The following CEP89 variants were observed in gnomAD, a reference collection of about 807,000 sequenced individuals.
CEP89 encodes centrosomal protein 89.
Under a neutral mutation model 97.6 loss-of-function variants are expected in CEP89, and 95 were observed. The observed-to-expected ratio is 0.97, with a 90% CI of 0.82 to 1.15. CEP89 has a LOEUF of 1.15. CEP89 is among the 50% of genes most tolerant of loss of function. CEP89 has a pLI of 0.00. For synonymous variants in CEP89, 354 were observed against 349.1 expected (o/e 1.01, Z -0.16); for missense variants, 869 against 947.7 (o/e 0.92, Z 1.09).
Position 32,915,520 on chromosome 19 carries a change from G to GA in CEP89, c.1385-4dup. ...TAGTTGTTTAGTCAGCTTAGAAACT[G>GA]AAAATCAAAAGAGGAAGATAAAAAC... is the stretch of plus-strand genomic sequence containing the variant. On this transcript the variant is annotated splice_region_variant and splice_polypyrimidine_tract_variant and intron_variant, in intron 13 of 18. Coordinates refer to ENST00000305768, the MANE Select transcript of CEP89 (RefSeq NM_032816.5). The GA allele has an allele frequency of 6.2e-7, 1 of 1,603,816 alleles. No individual in the cohort carries two copies.
intron 14 of CEP89, among the ~76,000 whole-genome samples, 172 bp from the exon 15 acceptor site, chr19:32,901,584 C>T (rs7253956): frequency 0.38 from 57,275 of 151,696 alleles, 11,153 homozygotes; most frequent in Non-Finnish European, 0.41. Flanking sequence ...GGACCTGGGA[C>T]CAAGCTGCTA....
chr19:32,895,981 G>A lies in CEP89; in HGVS notation c.1875+3876C>T, dbSNP rs1012014336. On this transcript the variant is annotated intron_variant, in intron 16 of 18. Coordinates refer to ENST00000305768, the MANE Select transcript of CEP89 (RefSeq NM_032816.5). ...GACAATGAAGCTGATTCAAACTAATGGAAAGACATCCCATGATCATGGATG... is the reference window on the plus strand; with the variant it reads ...GACAATGAAGCTGATTCAAACTAATAGAAAGACATCCCATGATCATGGATG... Among the ~76,000 whole-genome samples the A allele has an allele frequency of 2.0e-5, 3 of 152,124 alleles. No homozygotes were observed. In the East Asian group the frequency reaches 5.8e-4, roughly 29 times the overall value.
chr19:32,932,341 A>G (rs1970493848), intron 8 of CEP89, among the ~76,000 whole-genome samples: 1 of 152,146 alleles, frequency 6.6e-6, no homozygotes, highest in Non-Finnish European at 1.5e-5. Flanking sequence ...CTAAAAATAA[A>G]TGTGCCTAAG....
Position 32,971,921 on chromosome 19 carries a change from A to G in CEP89, c.-47T>C, listed in dbSNP as rs753546073. 5 of 1,561,890 alleles carry G rather than the reference A, an allele frequency of 3.2e-6. No homozygotes were observed. The South Asian group carries it at 5.8e-5, about 18-fold the overall frequency. On this transcript the variant is annotated 5_prime_UTR_variant, in exon 1 of 19. Transcript: ENST00000305768. ...GACCGGGGCCTGGACTCATCAGCAG[A>G]TCTATCCACAGCCAGGGACCACTCC...
chr19:32,931,230 C>T, intron 9 of CEP89, 199 bp downstream of exon 9: 1 of 553,810 alleles, frequency 1.8e-6, no homozygotes, highest in Admixed American at 3.8e-5. Flanking sequence ...CAATGTTTTA[C>T]AGTCTTTATT....
At chr19:32,919,383 T>C (rs2016867) in intron 12 of CEP89, among the ~76,000 whole-genome samples, 137,446 of 152,246 alleles carry the variant, frequency 0.9, 62,226 homozygotes, top group African/African-American at 0.98. Flanking sequence ...GTTAAGTTTA[T>C]TTACTAAAGC....
chr19:32,959,052 A>AC (rs1568581955), intron 3 of CEP89, among the ~76,000 whole-genome samples: 8 of 151,754 alleles, frequency 5.3e-5, no homozygotes, highest in African/African-American at 1.5e-4. Context: ...AAAACAAAAA[A>AC]AAAAAAAACA....
intron 6 of CEP89, among the ~76,000 whole-genome samples, chr19:32,938,712 C>T (rs1327810288): frequency 2.0e-5 from 3 of 151,996 alleles, no homozygotes; most frequent in Admixed American, 6.6e-5. Context: ...ACTTTAGGAG[C>T]CCGAGGCAGG....
chr19:32,932,182 CAA>C (rs772866337), intron 8 of CEP89, among the ~76,000 whole-genome samples: 8 of 112,724 alleles, frequency 7.1e-5, no homozygotes, highest in Admixed American at 1.7e-4. Flanking sequence ...CTCCATCTCA[CAA>C]AAAAAAAAAA....
At chr19:32,945,212 A>C (rs1970770707) in intron 5 of CEP89, among the ~76,000 whole-genome samples, 1 of 147,140 alleles carries the variant, frequency 6.8e-6, no homozygotes, top group African/African-American at 2.5e-5. Flanking sequence ...TGAACCCAGG[A>C]GGCGGAGGTT....
At chr19:32,941,849 ATCATC>A (rs1410033988) in intron 5 of CEP89, among the ~76,000 whole-genome samples, 1 of 152,210 alleles carries the variant, frequency 6.6e-6, no homozygotes, top group Non-Finnish European at 1.5e-5. Context: ...CTGTGGCTCT[ATCATC>A]TCTGACACAC....
chr19:32,946,122 G>C (rs1276921360), intron 5 of CEP89, among the ~76,000 whole-genome samples: 1 of 152,074 alleles, frequency 6.6e-6, no homozygotes, highest in Non-Finnish European at 1.5e-5. Context: ...TTTAGAGACA[G>C]GGTCTCACTC....
intron 13 of CEP89, among the ~76,000 whole-genome samples, chr19:32,916,025 C>T (rs1487995152): frequency 1.3e-5 from 2 of 151,256 alleles, no homozygotes; most frequent in Non-Finnish European, 3.0e-5. Flanking sequence ...ATACCTGTAA[C>T]CCCAGCCCTT....
At chr19:32,913,618 A>C (rs922092156) in intron 14 of CEP89, among the ~76,000 whole-genome samples, 8 of 149,734 alleles carry the variant, frequency 5.3e-5, no homozygotes, top group African/African-American at 2.0e-4. Flanking sequence ...ATGGTTGGTT[A>C]CACACACACA....
intron 15 of CEP89, 34 bp from the exon 16 acceptor site, chr19:32,900,032 C>T (rs1969731751): frequency 1.2e-6 from 2 of 1,609,304 alleles, no homozygotes; most frequent in African/African-American, 1.3e-5. Context: ...GAATAAAAAG[C>T]CCATTAGTTT....
chr19:32,902,008 C>CTGTGTGTGTGTGTGTGTGTGTG (rs1265424963), intron 14 of CEP89, among the ~76,000 whole-genome samples: 21 of 99,640 alleles, frequency 2.1e-4, no homozygotes, highest in African/African-American at 8.9e-4. Flanking sequence ...CTCTCTCTCT[C>CTGTGTGTGTGTGTGTGTGTGTG]TCTGTGTGTG....
intron 12 of CEP89, among the ~76,000 whole-genome samples, chr19:32,919,475 G>A (rs555276055): frequency 3.9e-5 from 6 of 152,326 alleles, no homozygotes; most frequent in African/African-American, 1.4e-4. Flanking sequence ...GAGTCAGGCT[G>A]TAACAATGGT....
chr19:32,879,146 C>T lies in CEP89; in HGVS notation c.*16G>A, dbSNP rs377001468. On this transcript the variant is annotated 3_prime_UTR_variant, in exon 19 of 19. Coordinates refer to ENST00000305768, the MANE Select transcript of CEP89 (RefSeq NM_032816.5). ...TTTCAGGCCAGAGGAGGCTACACCA[C>T]GGGCTCCCGCAGATTCTAGCAGGTG... is the stretch of plus-strand genomic sequence containing the variant. 5.3e-5 allele frequency: 85 copies of T among 1,590,172 alleles called. No individual in the cohort carries two copies. Among genetic ancestry groups the T allele is most frequent in the South Asian group, 9.1e-5 (8 of 87,658 alleles).
At chr19:32,917,332 G>A (rs762367796) in intron 13 of CEP89, among the ~76,000 whole-genome samples, 1 of 152,200 alleles carries the variant, frequency 6.6e-6, no homozygotes, top group Non-Finnish European at 1.5e-5. Context: ...GGAAACTCCT[G>A]TGTGCATCTC....
Sources: allele counts gnomAD v4.1 joint callset (sites outside exome capture counted in the v4.1 genomes callset), GRCh38; gene constraint gnomAD v4.1.1; transcripts MANE v1.5; gene names NCBI Gene and HGNC (gene_info 2026-07-23, HGNC 2026-07-21).